Variants in ITGA9 observed in about 807,000 individuals in gnomAD.
The protein encoded by ITGA9 is integrin alpha-9.
A neutral mutation model predicts 127.8 loss-of-function variants in ITGA9; 56 were observed. The observed-to-expected ratio is 0.44, with a 90% CI of 0.35 to 0.55. The LOEUF (loss-of-function observed/expected upper bound fraction) is 0.55. Ranked by LOEUF, ITGA9 falls within the 20% of genes least tolerant of loss-of-function variation. The pLI is 0.00. For missense variants in ITGA9, 1,196 were observed against 1,347.1 expected (o/e 0.89, Z 1.76); for synonymous variants, 508 against 514.5 (o/e 0.99, Z 0.17).
intron 15 of ITGA9, among the ~76,000 whole-genome samples, chr3:37,610,947 C>T (rs919714631): frequency 2.0e-5 from 3 of 151,640 alleles, no homozygotes; most frequent in Non-Finnish European, 4.4e-5. Flanking sequence ...CTTAAAATAG[C>T]TAAGGTTAAA....
intron 1 of ITGA9, among the ~76,000 whole-genome samples, chr3:37,460,402 T>C (rs1425596022): frequency 1.3e-5 from 2 of 152,146 alleles, no homozygotes; most frequent in Non-Finnish European, 2.9e-5. Flanking sequence ...ATGACAATAG[T>C]CAACAATAAT....
chr3:37,570,910 C>T (rs771057111), intron 15 of ITGA9, among the ~76,000 whole-genome samples: 32 of 152,222 alleles, frequency 2.1e-4, no homozygotes, highest in Admixed American at 9.2e-4. Context: ...TTGTATTGCA[C>T]GGTAGGAATA....
At chr3:37,777,865 G>C (rs939444091) in intron 24 of ITGA9, among the ~76,000 whole-genome samples, 2 of 152,168 alleles carry the variant, frequency 1.3e-5, no homozygotes, top group African/African-American at 4.8e-5. Context: ...TGTATCCTAT[G>C]ACACAGCCAT....
chr3:37,803,964 C>T, intron 27 of ITGA9, 22 bp downstream of exon 27: 1 of 1,613,802 alleles, frequency 6.2e-7, no homozygotes. Flanking sequence ...GATTGCAGGT[C>T]CCCCTGGGGT....
chr3:37,698,090 G>C (rs375448661), intron 18 of ITGA9, among the ~76,000 whole-genome samples: 1 of 152,220 alleles, frequency 6.6e-6, no homozygotes, highest in Non-Finnish European at 1.5e-5. Flanking sequence ...GGCCAGTGAT[G>C]ATGAGCATTT....
chr3:37,606,329 A>G (rs1002778197), intron 15 of ITGA9, among the ~76,000 whole-genome samples: 1 of 152,156 alleles, frequency 6.6e-6, no homozygotes, highest in African/African-American at 2.4e-5. Flanking sequence ...CGGAGCTGCA[A>G]TGGTGGAAAC....
chr3:37,780,132 A>AT, intron 25 of ITGA9, 111 bp downstream of exon 25: 2 of 1,322,544 alleles, frequency 1.5e-6, no homozygotes, highest in Non-Finnish European at 2.2e-6. Context: ...TGGTGTCCTC[A>AT]TGACAATCTG....
intron 17 of ITGA9, among the ~76,000 whole-genome samples, chr3:37,662,865 A>T (rs930086947): frequency 6.6e-6 from 1 of 152,218 alleles, no homozygotes; most frequent in African/African-American, 2.4e-5. Context: ...GAGGCCTCTG[A>T]ATACCCACCA....
chr3:37,731,476 G>A (rs1012132667), intron 18 of ITGA9, among the ~76,000 whole-genome samples: 3 of 152,164 alleles, frequency 2.0e-5, no homozygotes, highest in Non-Finnish European at 4.4e-5. Flanking sequence ...ATGCTGAAAA[G>A]ATATATTAGA....
intron 26 of ITGA9, among the ~76,000 whole-genome samples, chr3:37,793,389 A>AACAC (rs10575371): frequency 0.032 from 4,256 of 134,490 alleles, 97 homozygotes; most frequent in Middle Eastern, 0.055. Flanking sequence ...CAAACAGGTC[A>AACAC]ACACACACAC....
chr3:37,612,485 C>T (rs537774240), intron 15 of ITGA9, among the ~76,000 whole-genome samples: 1 of 152,286 alleles, frequency 6.6e-6, no homozygotes, highest in Admixed American at 6.5e-5. Flanking sequence ...TCTCAGATTT[C>T]TATCGACGGT....
At chr3:37,651,251 GT>G (rs1183720850) in intron 16 of ITGA9, among the ~76,000 whole-genome samples, 1 of 152,224 alleles carries the variant, frequency 6.6e-6, no homozygotes, top group Non-Finnish European at 1.5e-5. Context: ...ACAGGAAATA[GT>G]AGAGTTCAAG....
chr3:37,695,669 G>A (rs1700877806), intron 18 of ITGA9, among the ~76,000 whole-genome samples: 1 of 152,214 alleles, frequency 6.6e-6, no homozygotes, highest in Non-Finnish European at 1.5e-5. Flanking sequence ...ATGTGTGGTG[G>A]CCTCTGGCAT....
intron 18 of ITGA9, among the ~76,000 whole-genome samples, chr3:37,721,238 A>G (rs1180770483): frequency 6.8e-5 from 10 of 146,872 alleles, no homozygotes; most frequent in African/African-American, 2.3e-4. Context: ...TCCCACCTCA[A>G]CTCCCAAGTA....
At chr3:37,777,835 A>G (rs776250949) in intron 24 of ITGA9, among the ~76,000 whole-genome samples, 11 of 152,258 alleles carry the variant, frequency 7.2e-5, no homozygotes, top group Non-Finnish European at 1.6e-4. Flanking sequence ...GTTTGATAAT[A>G]TCTACTAAAA....
chr3:37,796,809 C>T (rs1480563952), intron 26 of ITGA9, among the ~76,000 whole-genome samples: 3 of 152,032 alleles, frequency 2.0e-5, no homozygotes, highest in Non-Finnish European at 4.4e-5. Flanking sequence ...GAATCAGTGC[C>T]TTGGTTCAGG....
chr3:37,509,275 A>G (rs905097804), intron 8 of ITGA9, among the ~76,000 whole-genome samples: 5 of 152,140 alleles, frequency 3.3e-5, no homozygotes, highest in African/African-American at 1.2e-4. Context: ...CTGTTGTCTA[A>G]AATTAAGCCA....
intron 15 of ITGA9, among the ~76,000 whole-genome samples, chr3:37,546,952 A>C (rs1377399600): frequency 1.3e-5 from 2 of 152,350 alleles, no homozygotes; most frequent in South Asian, 2.1e-4. Context: ...TTGTGAGATC[A>C]AATACCTATG....
intron 4 of ITGA9, among the ~76,000 whole-genome samples, chr3:37,482,187 A>G (rs1298760317): frequency 6.6e-6 from 1 of 152,210 alleles, no homozygotes; most frequent in African/African-American, 2.4e-5. Context: ...TCAGCATTTC[A>G]TGACATTTGA....
Sources: allele counts gnomAD v4.1 joint callset (sites outside exome capture counted in the v4.1 genomes callset), GRCh38; gene constraint gnomAD v4.1.1; transcripts MANE v1.5; gene names NCBI Gene and HGNC (gene_info 2026-07-23, HGNC 2026-07-21).